ZFR: variants seen among roughly 807,000 people sequenced by gnomAD.
ZFR encodes zinc finger RNA binding protein, also known as zinc finger RNA-binding protein.
ZFR carries 19 observed loss-of-function variants against 130.7 expected under a neutral mutation model. That is an observed-to-expected ratio of 0.15 (90% confidence interval 0.10 to 0.21). The LOEUF is 0.21. Ranked by LOEUF, ZFR falls within the 10% of genes least tolerant of loss-of-function variation. ZFR has a pLI of 1.00. For synonymous variants in ZFR, 466 were observed against 456.9 expected, an observed-to-expected ratio of 1.02 and a Z score of -0.25; for missense variants, 872 against 1,321.5, an observed-to-expected ratio of 0.66 and a Z score of 5.27.
chr5:32,415,513 T>TGTGTGTGTGC (rs1554073605), intron 4 of ZFR, among the ~76,000 whole-genome samples: 12 of 92,304 alleles, frequency 1.3e-4, no homozygotes, highest in Non-Finnish European at 8.5e-5. Flanking sequence ...TGTGTGTGTG[T>TGTGTGTGTGC]GTGCGCGCGC....
chr5:32,429,949 C>A (rs1234982148), intron 2 of ZFR, among the ~76,000 whole-genome samples: 1 of 151,032 alleles, frequency 6.6e-6, no homozygotes, highest in East Asian at 1.9e-4. Context: ...ATGGTGGGGT[C>A]CTGAAGGCTG....
intron 1 of ZFR, 53 bp from the exon 2 acceptor site, chr5:32,444,381 A>G: frequency 2.0e-6 from 3 of 1,509,898 alleles, no homozygotes; most frequent in Middle Eastern, 2.1e-4. Flanking sequence ...GACACAGAGG[A>G]GCCGAGACGC....
At chr5:32,389,485 A>G (rs184340739) in intron 12 of ZFR, among the ~76,000 whole-genome samples, 7 of 152,192 alleles carry the variant, frequency 4.6e-5, no homozygotes, top group Non-Finnish European at 1.0e-4. Flanking sequence ...CACCCAGACC[A>G]GTAAGAATAA....
At chr5:32,436,204 A>G (rs1754330071) in intron 2 of ZFR, among the ~76,000 whole-genome samples, 1 of 128,712 alleles carries the variant, frequency 7.8e-6, no homozygotes, top group African/African-American at 3.0e-5. Context: ...GCTGGAGTGC[A>G]GTGGCGCGAT....
intron 15 of ZFR, chr5:32,383,730 A>C (rs747511233): frequency 2.2e-6 from 1 of 456,664 alleles, no homozygotes; most frequent in Non-Finnish European, 4.4e-6. Context: ...GACACAGAGC[A>C]CTGGGAGCTG....
chr5:32,419,274 T>G (rs1385347537), intron 3 of ZFR, among the ~76,000 whole-genome samples: 1 of 152,108 alleles, frequency 6.6e-6, no homozygotes, highest in Non-Finnish European at 1.5e-5. Flanking sequence ...CAGACAGCTA[T>G]AAATAATAGA....
intron 17 of ZFR, among the ~76,000 whole-genome samples, chr5:32,372,598 C>G (rs918291944): frequency 3.0e-4 from 45 of 151,798 alleles, no homozygotes; most frequent in Non-Finnish European, 3.4e-4. Context: ...TTTGGGAGGC[C>G]GAGGGGAGCA....
At chr5:32,411,135 T>C (rs929535234) in intron 5 of ZFR, among the ~76,000 whole-genome samples, 1 of 152,226 alleles carries the variant, frequency 6.6e-6, no homozygotes, top group African/African-American at 2.4e-5. Context: ...ATGGCTCCTG[T>C]GTGACATGGC....
intron 19 of ZFR, among the ~76,000 whole-genome samples, chr5:32,363,162 T>C (rs963459675): frequency 6.6e-6 from 1 of 152,202 alleles, no homozygotes; most frequent in African/African-American, 2.4e-5. Context: ...AATCAAGATC[T>C]TAAATCCAAC....
At chr5:32,369,636 T>C (rs2111677547) in intron 17 of ZFR, among the ~76,000 whole-genome samples, 1 of 151,586 alleles carries the variant, frequency 6.6e-6, no homozygotes, top group Middle Eastern at 3.4e-3. Flanking sequence ...TGAGACCTTA[T>C]CTCTACAAAA....
intron 17 of ZFR, among the ~76,000 whole-genome samples, chr5:32,372,908 C>G (rs145592862): frequency 0.017 from 2,539 of 152,078 alleles, 37 homozygotes; most frequent in Non-Finnish European, 0.026. Flanking sequence ...ATACATTATA[C>G]CTTGTTGAGA....
chr5:32,444,621 C>A lies in ZFR; in HGVS notation c.37+1G>T. On this transcript the variant is annotated splice_donor_variant, in intron 1 of 19. Coordinates refer to ENST00000265069, the MANE Select transcript of ZFR (RefSeq NM_016107.5). LOFTEE classifies it high-confidence loss of function. ...GGCCTCGCGGGCCACATTAGACTCACCATAGGTGAAAGAAACTACAGGGCA... is the reference window on the plus strand; with the variant it reads ...GGCCTCGCGGGCCACATTAGACTCAACATAGGTGAAAGAAACTACAGGGCA... The A allele has an allele frequency of 6.6e-7, 1 of 1,503,876 alleles. No homozygotes were observed. The highest frequency in any genetic ancestry group is 8.9e-7 in the Non-Finnish European group (1 of 1,127,416). 93.2% of individuals were successfully genotyped at this position (1,503,876 alleles called of 1,614,324 possible).
chr5:32,417,619 A>G, intron 4 of ZFR, 29 bp downstream of exon 4: 2 of 1,608,462 alleles, frequency 1.2e-6, no homozygotes, highest in South Asian at 2.2e-5. Flanking sequence ...ATAGTTTACA[A>G]AGAAACTCTG....
At chr5:32,431,021 G>A (rs906086412) in intron 2 of ZFR, among the ~76,000 whole-genome samples, 3 of 152,134 alleles carry the variant, frequency 2.0e-5, no homozygotes, top group Admixed American at 1.3e-4. Flanking sequence ...GGTGCAGTGA[G>A]CTGAAATTGC....
intron 5 of ZFR, among the ~76,000 whole-genome samples, chr5:32,409,822 T>TA (rs1329331146): frequency 3.9e-5 from 6 of 152,126 alleles, no homozygotes; most frequent in African/African-American, 9.7e-5. Flanking sequence ...CACATGGTTT[T>TA]AAATTTGCCC....
At chr5:32,420,720 G>A (rs903980606) in intron 2 of ZFR, among the ~76,000 whole-genome samples, 3 of 152,178 alleles carry the variant, frequency 2.0e-5, no homozygotes, top group African/African-American at 7.2e-5. Flanking sequence ...TGAGCTACTG[G>A]CATCCAGTGG....
At chr5:32,414,212 C>G (rs1753772606) in intron 5 of ZFR, among the ~76,000 whole-genome samples, 1 of 152,114 alleles carries the variant, frequency 6.6e-6, no homozygotes, top group Admixed American at 6.5e-5. Context: ...CCGTGCATTC[C>G]TAATTCATCA....
In ZFR at chr5:32,403,341, A is replaced by C; in HGVS notation, c.1281T>G (p.Val427=). 1 of 1,614,220 alleles carries C rather than the reference A, an allele frequency of 6.2e-7. No homozygotes were observed. Among genetic ancestry groups the C allele is most frequent in the South Asian group, 1.1e-5 (1 of 91,084 alleles). ...CTGTTGAAGAAGTAGCTTGGCTAAC[A>C]ACATTTGGTTCTGTTGATGGAATGG... ...GKPIPSTEPN[V]VSQATSSTAV... Residue 427 remains valine (V), a synonymous_variant, in exon 8 of 20, where the codon GTT becomes GTG. Coordinates refer to ENST00000265069, the MANE Select transcript of ZFR (RefSeq NM_016107.5).
At chr5:32,363,846 G>T in intron 19 of ZFR, 102 bp downstream of exon 19, 1 of 959,910 alleles carries the variant, frequency 1.0e-6, no homozygotes, top group South Asian at 2.3e-5. Flanking sequence ...GCAGAAGAAC[G>T]AATATTATAT....
Sources: allele counts gnomAD v4.1 joint callset (sites outside exome capture counted in the v4.1 genomes callset), GRCh38; gene constraint gnomAD v4.1.1; transcripts MANE v1.5; gene names NCBI Gene and HGNC (gene_info 2026-07-23, HGNC 2026-07-21).